NEXMIF: variants seen among roughly 807,000 people sequenced by gnomAD.
The protein encoded by NEXMIF is XLMR protein related to neurite extension.
NEXMIF carries 8 observed loss-of-function variants against 62.1 expected under a neutral mutation model. The observed-to-expected ratio is 0.13, with a 90% CI of 0.08 to 0.23. The LOEUF (loss-of-function observed/expected upper bound fraction) is 0.23. Among genes scored for constraint, NEXMIF ranks in the 10% least tolerant of loss-of-function variants. The pLI is 1.00. For missense variants in NEXMIF, 976 were observed against 1,113.3 expected (o/e 0.88, Z 1.75); for synonymous variants, 404 against 416.6 (o/e 0.97, Z 0.37).
intron 1 of NEXMIF, among the ~76,000 whole-genome samples, chrX:74,756,988 T>G (rs753207442): frequency 8.9e-6 from 1 of 111,846 alleles, no homozygotes; most frequent in Non-Finnish European, 1.9e-5. Flanking sequence ...CACCTACTGA[T>G]GGGCGAAACA....
At chrX:74,776,727 C>A (rs868693283) in intron 1 of NEXMIF, among the ~76,000 whole-genome samples, 412 of 64,507 alleles carry the variant, frequency 6.4e-3, no homozygotes, top group African/African-American at 8.8e-3. Context: ...AACTCAGTCT[C>A]AAAAAAAAAA....
At chrX:74,785,743 A>G (rs1441004520) in intron 1 of NEXMIF, among the ~76,000 whole-genome samples, 1 of 112,193 alleles carries the variant, frequency 8.9e-6, no homozygotes, top group East Asian at 2.8e-4. Flanking sequence ...TAGGGTAAAG[A>G]TGAAAGGCAA....
chrX:74,865,178 G>T (rs2080573622), intron 1 of NEXMIF, among the ~76,000 whole-genome samples: 1 of 111,873 alleles, frequency 8.9e-6, no homozygotes, highest in South Asian at 3.7e-4. Context: ...AGTAAGATGT[G>T]GGAAAGTTTG....
At chrX:74,739,934 T>C in intron 3 of NEXMIF, 166 bp downstream of exon 3, 1 of 467,347 alleles carries the variant, frequency 2.1e-6, no homozygotes. Flanking sequence ...TATAGGGATT[T>C]TCATGCACTT....
chrX:74,871,279 C>G (rs747139907), intron 1 of NEXMIF, among the ~76,000 whole-genome samples: 1 of 111,266 alleles, frequency 9.0e-6, no homozygotes, highest in African/African-American at 3.3e-5. Context: ...GCTGCAAAAT[C>G]AGCAAGTTTT....
chrX:74,803,060 C>A (rs1185586949), intron 1 of NEXMIF, among the ~76,000 whole-genome samples: 2 of 110,555 alleles, frequency 1.8e-5, no homozygotes, highest in African/African-American at 6.6e-5. Flanking sequence ...AGCACACTTA[C>A]AAGATCTAGA....
chrX:74,817,862 C>G, intron 1 of NEXMIF, among the ~76,000 whole-genome samples: 1 of 110,302 alleles, frequency 9.1e-6, no homozygotes, highest in Non-Finnish European at 1.9e-5. Context: ...CTTCAGTAGC[C>G]AAAAATTAAT....
At chrX:74,798,012 T>C (rs2080317592) in intron 1 of NEXMIF, among the ~76,000 whole-genome samples, 1 of 112,207 alleles carries the variant, frequency 8.9e-6, no homozygotes. Flanking sequence ...GAACAAAAAC[T>C]TGAATTTCTA....
At chrX:74,892,800 G>A (rs1354516488) in intron 1 of NEXMIF, among the ~76,000 whole-genome samples, 3 of 112,073 alleles carry the variant, frequency 2.7e-5, no homozygotes, top group Non-Finnish European at 5.6e-5. Context: ...GTTTCAAAGT[G>A]AGCATAGGAG....
chrX:74,772,044 C>A (rs1315115991), intron 1 of NEXMIF, among the ~76,000 whole-genome samples: 1 of 111,985 alleles, frequency 8.9e-6, no homozygotes, highest in African/African-American at 3.2e-5. Flanking sequence ...CTAAGCAGAA[C>A]TACAAGAATG....
Position 74,867,998 on chromosome X carries a change from C to T in NEXMIF, c.-48+56885G>A, listed in dbSNP as rs766572272. Among the ~76,000 whole-genome samples, 4 of 111,860 alleles carry T rather than the reference C, an allele frequency of 3.6e-5. No individual in the cohort carries two copies. The South Asian group carries it at 1.1e-3, about 31-fold the overall frequency. ...CATGGACACTTCTTAAAAGAAGACA[C>T]TCACATGGCCAAGAGACATGAAAAA... On this transcript the variant is annotated intron_variant, in intron 1 of 3. Coordinates refer to ENST00000055682, the MANE Select transcript of NEXMIF (RefSeq NM_001008537.3).
At chrX:74,785,925 G>C (rs1413868601) in intron 1 of NEXMIF, among the ~76,000 whole-genome samples, 1 of 112,605 alleles carries the variant, frequency 8.9e-6, no homozygotes, top group African/African-American at 3.2e-5. Flanking sequence ...TAAGGTAATA[G>C]ACAAAACTTA....
intron 1 of NEXMIF, among the ~76,000 whole-genome samples, chrX:74,922,178 G>T (rs754709926): frequency 5.4e-4 from 60 of 111,751 alleles, no homozygotes; most frequent in Non-Finnish European, 9.2e-4. Context: ...CCTAAACACA[G>T]GCAACACCAC....
intron 1 of NEXMIF, among the ~76,000 whole-genome samples, chrX:74,826,111 T>C (rs977240402): frequency 1.8e-5 from 2 of 112,697 alleles, no homozygotes; most frequent in Non-Finnish European, 3.7e-5. Context: ...TTTACAATGA[T>C]TGAATTAATT....
Position 74,878,363 on chromosome X carries a change from C to T in NEXMIF, c.-48+46520G>A, listed in dbSNP as rs771558419. On this transcript the variant is annotated intron_variant, in intron 1 of 3. Coordinates refer to ENST00000055682, the MANE Select transcript of NEXMIF (RefSeq NM_001008537.3). Reference sequence around the variant, plus strand: ...CTGCCCGTTCTCAGATCTCCAGCTGCGTGCTGGGAGAACCACTGCTCTCTT... The same window carrying T: ...CTGCCCGTTCTCAGATCTCCAGCTGTGTGCTGGGAGAACCACTGCTCTCTT... Among the ~76,000 whole-genome samples, 421 of 112,133 alleles carry T rather than the reference C, an allele frequency of 3.8e-3. 1 individual carries two copies. Among genetic ancestry groups the T allele is most frequent in the Admixed American group, 6.6e-3 (70 of 10,617 alleles).
rs747154627 is a variant in NEXMIF, at chrX:74,915,626, T to C, written c.-48+9257A>G. On this transcript the variant is annotated intron_variant, in intron 1 of 3. Coordinates refer to ENST00000055682, the MANE Select transcript of NEXMIF (RefSeq NM_001008537.3). ...TGGAAATATTATCCCAGATTATCCA[T>C]CCAGATAGACCAAATATAAGTAGAG... 5.4e-5 allele frequency among the ~76,000 whole-genome samples: 6 copies of C among 111,450 alleles called. No individual in the cohort carries two copies. In the South Asian group the frequency reaches 2.3e-3, roughly 43 times the overall value.
At chrX:74,922,227 G>A (rs1048279769) in intron 1 of NEXMIF, among the ~76,000 whole-genome samples, 6 of 111,760 alleles carry the variant, frequency 5.4e-5, no homozygotes, top group Non-Finnish European at 1.1e-4. Flanking sequence ...GTAGCTTACA[G>A]GTAACCAGAA....
intron 1 of NEXMIF, among the ~76,000 whole-genome samples, chrX:74,850,192 A>C (rs1225057745): frequency 8.9e-6 from 1 of 112,208 alleles, no homozygotes; most frequent in African/African-American, 3.2e-5. Context: ...CCAACCTGCC[A>C]CAACTACAGC....
At chrX:74,810,076 C>CT (rs912243264) in intron 1 of NEXMIF, among the ~76,000 whole-genome samples, 6 of 112,074 alleles carry the variant, frequency 5.4e-5, no homozygotes, top group African/African-American at 1.9e-4. Flanking sequence ...CACGTGTTTT[C>CT]TTCTCTAGAC....
Sources: allele counts gnomAD v4.1 joint callset (sites outside exome capture counted in the v4.1 genomes callset), GRCh38; gene constraint gnomAD v4.1.1; transcripts MANE v1.5; gene names NCBI Gene and HGNC (gene_info 2026-07-23, HGNC 2026-07-21).